The following PROS1 variants were observed in gnomAD, a reference collection of about 807,000 sequenced individuals.
PROS1 encodes the protein protein S.
A neutral mutation model predicts 75.9 loss-of-function variants in PROS1; 29 were observed. The ratio of observed to expected loss-of-function variants is 0.38; its 90% CI spans 0.28 to 0.52. The LOEUF is 0.52. Ranked by LOEUF, PROS1 falls within the 20% of genes least tolerant of loss-of-function variation. PROS1 has a pLI of 0.83. For missense variants in PROS1, 680 were observed against 810.3 expected, an observed-to-expected ratio of 0.84 and a Z score of 1.95; for synonymous variants, 245 against 280.6, an observed-to-expected ratio of 0.87 and a Z score of 1.27.
chr3:93,932,821 G>T (rs1361363696), intron 1 of PROS1, among the ~76,000 whole-genome samples: 3 of 152,190 alleles, frequency 2.0e-5, no homozygotes, highest in Non-Finnish European at 4.4e-5. Context: ...GCCACCCTCT[G>T]TTCAAGGAGG....
At chr3:93,943,650 G>A (rs1709329850) in intron 1 of PROS1, among the ~76,000 whole-genome samples, 1 of 152,040 alleles carries the variant, frequency 6.6e-6, no homozygotes, top group South Asian at 2.1e-4. Context: ...ATTAGTTTAT[G>A]TTATTTTTCT....
chr3:93,900,945 C>T lies in PROS1; in HGVS notation c.602-16G>A, dbSNP rs754622137. Reference sequence around the variant, plus strand: ...TCATCCACATCTATAAATAAAATCACTATATTAAAAAACATTTTTCCCATA... The same window carrying T: ...TCATCCACATCTATAAATAAAATCATTATATTAAAAAACATTTTTCCCATA... On this transcript the variant is annotated splice_polypyrimidine_tract_variant and intron_variant, in intron 6 of 14. Coordinates refer to ENST00000394236, the MANE Select transcript of PROS1 (RefSeq NM_000313.4). The T allele has an allele frequency of 1.2e-6, 2 of 1,611,888 alleles. No individual in the cohort carries two copies. Among genetic ancestry groups the T allele is most frequent in the Non-Finnish European group, 1.7e-6 (2 of 1,179,134 alleles).
intron 1 of PROS1, among the ~76,000 whole-genome samples, chr3:93,942,331 T>A (rs1709302426): frequency 6.6e-6 from 1 of 152,168 alleles, no homozygotes; most frequent in African/African-American, 2.4e-5. Context: ...ACTACCATGC[T>A]GTTATATGGG....
rs1029767502 is a variant in PROS1, at chr3:93,906,525, G to A, written c.347-382C>T. Among the ~76,000 whole-genome samples the A allele has an allele frequency of 9.9e-5, 15 of 152,284 alleles. 2 individuals carry two copies. In the East Asian group the frequency reaches 1.2e-3, roughly 12 times the overall value. The stretch of plus-strand genomic sequence containing the variant: ...TCTGTGCTCTTGGGGGCCTGCTCCC[G>A]CTGCCAGGCTTCTCCCCGCAGCAGG... On this transcript the variant is annotated intron_variant, in intron 4 of 14. Transcript: ENST00000394236.
intron 8 of PROS1, among the ~76,000 whole-genome samples, chr3:93,897,232 C>A (rs1396978943): frequency 6.6e-6 from 1 of 152,042 alleles, no homozygotes; most frequent in Non-Finnish European, 1.5e-5. Context: ...AAATTCAGAT[C>A]TCATAGTCTC....
At chr3:93,939,149 G>A (rs996735371) in intron 1 of PROS1, among the ~76,000 whole-genome samples, 80 of 152,072 alleles carry the variant, frequency 5.3e-4, no homozygotes, top group African/African-American at 1.8e-3. Context: ...ATACAAACTC[G>A]ACAATTGTTC....
At chr3:93,911,522 C>T (rs1332590951) in intron 3 of PROS1, among the ~76,000 whole-genome samples, 2 of 152,164 alleles carry the variant, frequency 1.3e-5, no homozygotes, top group Admixed American at 6.5e-5. Context: ...GTATTTTTCT[C>T]ATGATTTGCG....
At chr3:93,967,243 TAGATTGTTG>T (rs1212357601) in intron 1 of PROS1, among the ~76,000 whole-genome samples, 3 of 152,182 alleles carry the variant, frequency 2.0e-5, no homozygotes, top group Non-Finnish European at 4.4e-5. Flanking sequence ...GATTATCCGG[TAGATTGTTG>T]ATTAAGAAGG....
At chr3:93,968,310 A>T (rs1709820674) in intron 1 of PROS1, among the ~76,000 whole-genome samples, 1 of 152,172 alleles carries the variant, frequency 6.6e-6, no homozygotes. Flanking sequence ...ACATGTACAG[A>T]GGGAAAACGA....
chr3:93,878,026 A>C (rs1708217101), intron 13 of PROS1, among the ~76,000 whole-genome samples: 1 of 152,212 alleles, frequency 6.6e-6, no homozygotes, highest in African/African-American at 2.4e-5. Flanking sequence ...CAAAATGATC[A>C]ATGATATCTG....
chr3:93,973,473 C>A, intron 1 of PROS1: 1 of 615,940 alleles, frequency 1.6e-6, no homozygotes, highest in African/African-American at 1.9e-5. Flanking sequence ...TACATTCTCG[C>A]AACTGTGCAA....
chr3:93,950,257 C>T (rs1294143715), intron 1 of PROS1, among the ~76,000 whole-genome samples: 21 of 152,336 alleles, frequency 1.4e-4, no homozygotes, highest in Non-Finnish European at 2.6e-4. Flanking sequence ...CCTCTAGGGG[C>T]AGGGCTTAGC....
chr3:93,898,662 A>T, intron 7 of PROS1, 93 bp from the exon 8 acceptor site: 1 of 1,402,348 alleles, frequency 7.1e-7, no homozygotes, highest in East Asian at 2.3e-5. Context: ...AGTATGATAT[A>T]ATCAATGATA....
chr3:93,953,381 C>T (rs1309433404), intron 1 of PROS1, among the ~76,000 whole-genome samples: 1 of 152,106 alleles, frequency 6.6e-6, no homozygotes, highest in African/African-American at 2.4e-5. Context: ...CTTATCCACC[C>T]CGATCAAGTT....
intron 10 of PROS1, among the ~76,000 whole-genome samples, chr3:93,889,243 C>T (rs1251391408): frequency 6.6e-6 from 1 of 152,058 alleles, no homozygotes; most frequent in African/African-American, 2.4e-5. Flanking sequence ...AACTATCTGG[C>T]ATATTTATTT....
Position 93,952,674 on chromosome 3 carries a change from A to G in PROS1, c.76+21000T>C, listed in dbSNP as rs533335005. Among the ~76,000 whole-genome samples the G allele has an allele frequency of 2.6e-4, 39 of 152,258 alleles. No individual in the cohort carries two copies. The South Asian group carries it at 4.3e-3, about 17-fold the overall frequency. ...TAACAGCACAACTAAAAGAACTAGAAAAGCAAGAGCAAACACATTCAAAAG... is the reference window on the plus strand; with the variant it reads ...TAACAGCACAACTAAAAGAACTAGAGAAGCAAGAGCAAACACATTCAAAAG... On this transcript the variant is annotated intron_variant, in intron 1 of 14. Transcript: ENST00000394236.
At chr3:93,971,839 C>T (rs1272013918) in intron 1 of PROS1, among the ~76,000 whole-genome samples, 1 of 152,046 alleles carries the variant, frequency 6.6e-6, no homozygotes, top group African/African-American at 2.4e-5. Flanking sequence ...AAAATCAAAT[C>T]ATATGGATTA....
At chr3:93,900,341 G>T (rs2096540209) in intron 7 of PROS1, among the ~76,000 whole-genome samples, 1 of 151,978 alleles carries the variant, frequency 6.6e-6, no homozygotes. Context: ...TTTTATTTTA[G>T]AATAAATGAT....
chr3:93,973,784 G>A lies in PROS1; in HGVS notation c.-35C>T, dbSNP rs1047517018. On this transcript the variant is annotated 5_prime_UTR_variant, in exon 1 of 15. Coordinates refer to ENST00000394236, the MANE Select transcript of PROS1 (RefSeq NM_000313.4). ...CGCGGAGGCGCCGGCAGGGACGGTG[G>A]CGCGTCGCGGCGGGGACCGGAGCGC... 1.3e-6 allele frequency: 2 copies of A among 1,579,446 alleles called. No individual in the cohort carries two copies. The highest frequency in any genetic ancestry group is 8.6e-7 in the Non-Finnish European group (1 of 1,158,798).
Sources: allele counts gnomAD v4.1 joint callset (sites outside exome capture counted in the v4.1 genomes callset), GRCh38; gene constraint gnomAD v4.1.1; transcripts MANE v1.5; gene names NCBI Gene and HGNC (gene_info 2026-07-23, HGNC 2026-07-21).